CMTM7: variants seen among roughly 807,000 people sequenced by gnomAD.
CMTM7 encodes the protein CKLF like MARVEL transmembrane domain containing 7.
In CMTM7, 7 loss-of-function variants were observed where a neutral mutation model predicts 19.3. The observed-to-expected ratio is 0.36, with a 90% confidence interval of 0.21 to 0.68. The LOEUF is 0.68. CMTM7 is among the 30% of genes least tolerant of loss of function. The pLI, the probability that CMTM7 is intolerant of heterozygous loss-of-function variation, is 0.60. For synonymous variants in CMTM7, 87 were observed against 99.3 expected, an observed-to-expected ratio of 0.88 and a Z score of 0.74; for missense variants, 193 against 232.6, an observed-to-expected ratio of 0.83 and a Z score of 1.11.
chr3:32,432,168 C>G (rs900818592), intron 1 of CMTM7, among the ~76,000 whole-genome samples: 2 of 152,350 alleles, frequency 1.3e-5, no homozygotes, highest in East Asian at 1.9e-4. Context: ...TTCTCACTTT[C>G]TTTAGATCTG....
chr3:32,446,154 G>A (rs556273796), intron 2 of CMTM7, among the ~76,000 whole-genome samples: 61 of 151,966 alleles, frequency 4.0e-4, no homozygotes, highest in African/African-American at 1.4e-3. Flanking sequence ...TTTTCTTGTG[G>A]GTAATTTTTT....
At chr3:32,416,584 G>A (rs1224259462) in intron 1 of CMTM7, among the ~76,000 whole-genome samples, 14 of 151,274 alleles carry the variant, frequency 9.3e-5, no homozygotes, top group Non-Finnish European at 1.8e-4. Context: ...TAGAGACGGG[G>A]TTTCGCCTTG....
At position 32,452,474 on chromosome 3, in the gene CMTM7, G is replaced by A. The variant is rs545239457; in HGVS notation, c.514+1G>A. ...ATCTCGTGTGTAACCCAGTCCACAG[G>A]TGAGTTCTGGTTATCTGTGCACAGA... On this transcript the variant is annotated splice_donor_variant, in intron 4 of 4. Transcript: ENST00000334983. LOFTEE classifies it high-confidence loss of function. 6 of 1,613,736 alleles carry A rather than the reference G, an allele frequency of 3.7e-6. No individual in the cohort carries two copies. Among genetic ancestry groups the A allele is most frequent in the Non-Finnish European group, 5.1e-6 (6 of 1,179,766 alleles).
chr3:32,422,533 C>A (rs1696360486), intron 1 of CMTM7, among the ~76,000 whole-genome samples: 1 of 152,226 alleles, frequency 6.6e-6, no homozygotes, highest in Non-Finnish European at 1.5e-5. Flanking sequence ...ATGCCAAGCA[C>A]AGAGCTGGAC....
intron 1 of CMTM7, among the ~76,000 whole-genome samples, chr3:32,420,267 G>A (rs56914157): frequency 6.6e-6 from 1 of 152,212 alleles, no homozygotes; most frequent in Non-Finnish European, 1.5e-5. Flanking sequence ...CAGAAGCAGA[G>A]CCTGCTTCAT....
chr3:32,404,142 C>CTTTTTTTTTTTTTTTTTTTTTTTT (rs11364371), intron 1 of CMTM7, among the ~76,000 whole-genome samples: 1 of 109,232 alleles, frequency 9.2e-6, no homozygotes, highest in African/African-American at 4.2e-5. Context: ...TTCTTTCTTT[C>CTTTTTTTTTTTTTTTTTTTTTTTT]TTTTTTTTTC....
intron 1 of CMTM7, among the ~76,000 whole-genome samples, chr3:32,430,099 G>A (rs1013835189): frequency 6.6e-6 from 1 of 152,114 alleles, no homozygotes; most frequent in Non-Finnish European, 1.5e-5. Flanking sequence ...TATCAAAAGA[G>A]TCGTTCTTTT....
chr3:32,405,388 A>G (rs1696077120), intron 1 of CMTM7, among the ~76,000 whole-genome samples: 1 of 152,332 alleles, frequency 6.6e-6, no homozygotes, highest in Non-Finnish European at 1.5e-5. Flanking sequence ...ATAGCAGTGC[A>G]GGGGGCAGCA....
chr3:32,404,333 G>T (rs1488990364), intron 1 of CMTM7, among the ~76,000 whole-genome samples: 2 of 151,580 alleles, frequency 1.3e-5, no homozygotes, highest in Admixed American at 1.3e-4. Flanking sequence ...GCTAATTTTT[G>T]TAATTTTGTA....
chr3:32,415,749 G>T (rs143153686), intron 1 of CMTM7, among the ~76,000 whole-genome samples: 59 of 152,198 alleles, frequency 3.9e-4, no homozygotes, highest in African/African-American at 1.2e-3. Flanking sequence ...AAGTTAGCTG[G>T]GTCTGTTCTT....
intron 2 of CMTM7, among the ~76,000 whole-genome samples, chr3:32,446,854 T>C (rs1398044580): frequency 2.6e-5 from 4 of 152,214 alleles, no homozygotes; most frequent in Non-Finnish European, 1.5e-5. Context: ...AGAAGCTCCC[T>C]GAAGCCCTCA....
chr3:32,405,706 G>C (rs1305352649), intron 1 of CMTM7, among the ~76,000 whole-genome samples: 1 of 152,100 alleles, frequency 6.6e-6, no homozygotes. Context: ...AGTGACCTAT[G>C]ATCTATGCCA....
intron 1 of CMTM7, 46 bp downstream of exon 1, chr3:32,392,111 G>T: frequency 8.2e-7 from 1 of 1,212,592 alleles, no homozygotes; most frequent in South Asian, 4.2e-5. Flanking sequence ...AGGGCGTCCC[G>T]GGAAAGCAGG....
intron 1 of CMTM7, among the ~76,000 whole-genome samples, chr3:32,406,866 G>A (rs1296753984): frequency 6.6e-6 from 1 of 152,216 alleles, no homozygotes; most frequent in Non-Finnish European, 1.5e-5. Flanking sequence ...AGGCAAGGGA[G>A]CTGGGCTTTT....
intron 1 of CMTM7, among the ~76,000 whole-genome samples, chr3:32,431,745 C>G (rs1303990950): frequency 6.6e-6 from 1 of 152,190 alleles, no homozygotes; most frequent in Non-Finnish European, 1.5e-5. Flanking sequence ...GGCTGTGTGA[C>G]TTTGAGCAAA....
At chr3:32,432,446 A>T (rs1249007720) in intron 1 of CMTM7, among the ~76,000 whole-genome samples, 1 of 152,154 alleles carries the variant, frequency 6.6e-6, no homozygotes, top group Non-Finnish European at 1.5e-5. Context: ...TGGTGACCAC[A>T]TGTCAATAAC....
At chr3:32,416,515 C>T (rs1044252716) in intron 1 of CMTM7, among the ~76,000 whole-genome samples, 14 of 138,408 alleles carry the variant, frequency 1.0e-4, no homozygotes, top group African/African-American at 3.0e-4. Context: ...CTCAGCCTCC[C>T]GAGTAGCTGG....
At chr3:32,409,725 G>A (rs1696144056) in intron 1 of CMTM7, among the ~76,000 whole-genome samples, 1 of 152,180 alleles carries the variant, frequency 6.6e-6, no homozygotes, top group Non-Finnish European at 1.5e-5. Context: ...TCAGCATTTT[G>A]TAGCTACACT....
intron 3 of CMTM7, among the ~76,000 whole-genome samples, chr3:32,450,600 A>T (rs1696815378): frequency 6.6e-6 from 1 of 152,006 alleles, no homozygotes; most frequent in Admixed American, 6.6e-5. Flanking sequence ...CCCAACACTG[A>T]TGCTCCACAT....
Sources: gnomAD v4.1 joint callset for allele counts (sites outside exome capture counted in the v4.1 genomes callset) on GRCh38, gnomAD v4.1.1 for gene constraint, MANE v1.5 for transcripts, NCBI Gene and HGNC (gene_info 2026-07-23, HGNC 2026-07-21) for gene names.